BICD1: variants seen among roughly 807,000 people sequenced by gnomAD.
BICD1 encodes BICD cargo adaptor 1, also known as protein bicaudal D homolog 1.
Under a neutral mutation model 92.5 loss-of-function variants are expected in BICD1, and 35 were observed. The ratio of observed to expected loss-of-function variants is 0.38; its 90% confidence interval spans 0.29 to 0.50. The LOEUF is 0.50. BICD1 is among the 20% of genes least tolerant of loss of function. The probability of loss-of-function intolerance (pLI) is 0.93; values close to 1 mark genes in which losing one functional copy is unlikely to be tolerated. For synonymous variants in BICD1, 429 were observed against 465.1 expected (o/e 0.92, Z 1.00); for missense variants, 950 against 1,189.8 (o/e 0.80, Z 2.97).
intron 1 of BICD1, among the ~76,000 whole-genome samples, chr12:32,129,951 T>C (rs559034981): frequency 5.9e-5 from 9 of 152,186 alleles, no homozygotes; most frequent in African/African-American, 2.2e-4. Context: ...AAAGAACAGT[T>C]TGGAAGAAAT....
chr12:32,246,054 A>AAG (rs1555155946), intron 2 of BICD1, among the ~76,000 whole-genome samples: 72 of 140,852 alleles, frequency 5.1e-4, no homozygotes, highest in African/African-American at 1.8e-3. Flanking sequence ...AAAAAAAAAA[A>AAG]GGAAAAAGGA....
At chr12:32,342,319 A>G (rs750176722) in intron 8 of BICD1, among the ~76,000 whole-genome samples, 11 of 149,196 alleles carry the variant, frequency 7.4e-5, no homozygotes, top group Non-Finnish European at 1.6e-4. Context: ...GAGCGGCGCA[A>G]CCTTGGCTCA....
intron 2 of BICD1, among the ~76,000 whole-genome samples, chr12:32,245,588 T>C (rs1224273614): frequency 1.3e-5 from 2 of 152,222 alleles, no homozygotes; most frequent in East Asian, 3.8e-4. Context: ...ATCATGGCCC[T>C]GACAAGTTAC....
At chr12:32,279,436 G>T (rs1161183583) in intron 2 of BICD1, among the ~76,000 whole-genome samples, 1 of 152,092 alleles carries the variant, frequency 6.6e-6, no homozygotes, top group African/African-American at 2.4e-5. Context: ...AAGCTTTCCC[G>T]TAAAAATACA....
At chr12:32,340,370 TCCTTGGAAGGTA>T (rs925973407) in intron 8 of BICD1, 26 of 985,316 alleles carry the variant, frequency 2.6e-5, no homozygotes, top group Non-Finnish European at 3.0e-5. Context: ...GTTTTAGACC[TCCTTGGAAGGTA>T]CCTTGAAGTA....
chr12:32,245,366 A>G (rs888666574), intron 2 of BICD1, among the ~76,000 whole-genome samples: 6 of 151,736 alleles, frequency 4.0e-5, no homozygotes, highest in Admixed American at 6.6e-5. Flanking sequence ...CAAAGAGCTT[A>G]GTTTAAGCTC....
Position 32,327,456 on chromosome 12 carries a change from T to C in BICD1, c.1006-5T>C. 1 of 1,590,566 alleles carries C rather than the reference T, an allele frequency of 6.3e-7. No individual in the cohort carries two copies. The highest frequency in any genetic ancestry group is 8.6e-7 in the Non-Finnish European group (1 of 1,166,392). ...TGATTCAGAAACTTTCTTTTGCCAT[T>C]GCAGGTAGAGCGGGAAAAGGCCATT... On this transcript the variant is annotated splice_polypyrimidine_tract_variant and splice_region_variant and intron_variant, in intron 4 of 9. Transcript: ENST00000652176.
intron 2 of BICD1, among the ~76,000 whole-genome samples, chr12:32,247,218 C>T (rs1946411405): frequency 7.2e-6 from 1 of 138,080 alleles, no homozygotes; most frequent in African/African-American, 2.9e-5. Flanking sequence ...CTCTGGATGA[C>T]AGAGCGAGAC....
At chr12:32,227,588 G>A in intron 2 of BICD1, 1 of 155,200 alleles carries the variant, frequency 6.4e-6, no homozygotes. Context: ...TAGGGCAGTG[G>A]CAGGGATTGC....
At chr12:32,209,649 G>A (rs1945156745) in intron 1 of BICD1, among the ~76,000 whole-genome samples, 1 of 152,168 alleles carries the variant, frequency 6.6e-6, no homozygotes, top group Admixed American at 6.5e-5. Context: ...GCCAGTGATT[G>A]TCTTTAAAGA....
At chr12:32,175,520 TTGGCCAGGC>T (rs1282504508) in intron 1 of BICD1, among the ~76,000 whole-genome samples, 4 of 152,152 alleles carry the variant, frequency 2.6e-5, no homozygotes, top group Admixed American at 2.6e-4. Flanking sequence ...TTTCGCCATG[TTGGCCAGGC>T]TGCTGTCCAA....
intron 2 of BICD1, among the ~76,000 whole-genome samples, chr12:32,262,678 G>A (rs1223076719): frequency 6.6e-6 from 1 of 152,202 alleles, no homozygotes; most frequent in East Asian, 1.9e-4. Context: ...CAGCAAAGGA[G>A]AAGGTGGCCA....
chr12:32,243,607 CT>C (rs1175237004), intron 2 of BICD1, among the ~76,000 whole-genome samples: 3 of 151,958 alleles, frequency 2.0e-5, no homozygotes, highest in African/African-American at 7.3e-5. Flanking sequence ...TAATCGTTTT[CT>C]ATGAGTAGAA....
At chr12:32,195,247 G>A (rs190915163) in intron 1 of BICD1, among the ~76,000 whole-genome samples, 39 of 152,282 alleles carry the variant, frequency 2.6e-4, no homozygotes, top group African/African-American at 8.9e-4. Flanking sequence ...ATTTTTCACA[G>A]ATATCAGAAA....
chr12:32,336,848 A>G (rs1297297826), intron 6 of BICD1, among the ~76,000 whole-genome samples: 1 of 152,172 alleles, frequency 6.6e-6, no homozygotes, highest in African/African-American at 2.4e-5. Context: ...GCAGTGGCTG[A>G]TACCTGTAAT....
At chr12:32,214,094 C>G (rs1945288986) in intron 1 of BICD1, among the ~76,000 whole-genome samples, 1 of 151,864 alleles carries the variant, frequency 6.6e-6, no homozygotes, top group Non-Finnish European at 1.5e-5. Context: ...ATTTTTTTCT[C>G]AAAATATCTC....
intron 1 of BICD1, among the ~76,000 whole-genome samples, chr12:32,144,196 GAAGGACA>G (rs1320362684): frequency 1.3e-5 from 2 of 152,086 alleles, no homozygotes; most frequent in African/African-American, 4.8e-5. Context: ...ATGTAGGGAA[GAAGGACA>G]AAAATTGTCT....
intron 8 of BICD1, 73 bp from the exon 9 acceptor site, chr12:32,367,597 C>G: frequency 7.2e-7 from 1 of 1,382,968 alleles, no homozygotes; most frequent in Non-Finnish European, 1.0e-6. Flanking sequence ...CAGGCAGCTG[C>G]TTTAGTCACT....
intron 8 of BICD1, chr12:32,339,830 G>C: frequency 2.0e-6 from 2 of 979,992 alleles, no homozygotes; most frequent in East Asian, 1.1e-4. Flanking sequence ...GTTATTGACA[G>C]TTAAAAATTC....
Sources: gnomAD v4.1 joint callset for allele counts (sites outside exome capture counted in the v4.1 genomes callset) on GRCh38, gnomAD v4.1.1 for gene constraint, MANE v1.5 for transcripts, NCBI Gene and HGNC (gene_info 2026-07-23, HGNC 2026-07-21) for gene names.